CAMSAP1: variants seen among roughly 807,000 people sequenced by gnomAD.
CAMSAP1 encodes the protein calmodulin-regulated spectrin-associated protein 1.
Under a neutral mutation model 143.5 loss-of-function variants are expected in CAMSAP1, and 58 were observed. The ratio of observed to expected loss-of-function variants is 0.40; its 90% CI spans 0.33 to 0.50. CAMSAP1 has a LOEUF of 0.50. CAMSAP1 is among the 20% of genes least tolerant of loss of function. The probability of loss-of-function intolerance (pLI) is 0.45; values close to 1 mark genes in which losing one functional copy is unlikely to be tolerated. For synonymous variants in CAMSAP1, 945 were observed against 859.3 expected (o/e 1.10, Z -1.74); for missense variants, 1,969 against 2,115.7 (o/e 0.93, Z 1.36).
intron 1 of CAMSAP1, among the ~76,000 whole-genome samples, chr9:135,894,473 G>A (rs931430854): frequency 2.0e-5 from 3 of 152,200 alleles, no homozygotes; most frequent in African/African-American, 7.2e-5. Context: ...GAAGCTCTTG[G>A]TCCTGTGCGC....
At position 135,811,422 on chromosome 9, in the gene CAMSAP1, T is replaced by C; in HGVS notation, c.4696A>G (p.Asn1566Asp). The C allele has an allele frequency of 6.2e-7, 1 of 1,612,968 alleles. No homozygotes were observed. The highest frequency in any genetic ancestry group is 8.5e-7 in the Non-Finnish European group (1 of 1,179,422). The change falls in exon 17 of 17, where the codon AAC (asparagine) becomes GAC (aspartate). Residue 1566 changes from asparagine (N) to aspartate (D), a missense_variant. Around this residue, in one of 4 missense-constraint regions of CAMSAP1, gnomAD observed 143 missense variants for 200.6 expected, o/e 0.71. Transcript: ENST00000389532. This position sits in a 1 kb window ranked among gnomAD's most constrained non-coding sequence, Gnocchi z 4.9. ...YKYSSDRKQFNLIPAKTMSVS... is the reference protein window; with the variant it reads ...YKYSSDRKQFDLIPAKTMSVS... The stretch of plus-strand genomic sequence containing the variant: ...GACATGGTTTTGGCTGGGATCAAGT[T>C]AAACTGTTTTCGGTCTGAGCTGTAT...
intron 7 of CAMSAP1, among the ~76,000 whole-genome samples, chr9:135,831,480 TAA>T (rs57460163): frequency 9.5e-5 from 13 of 136,858 alleles, no homozygotes; most frequent in Admixed American, 1.5e-4. Flanking sequence ...TTTTTTTAAT[TAA>T]AAAAAAAAAA....
intron 3 of CAMSAP1, among the ~76,000 whole-genome samples, chr9:135,878,350 A>C (rs1276765972): frequency 1.3e-5 from 2 of 151,882 alleles, no homozygotes; most frequent in East Asian, 1.9e-4. Context: ...CCATTCCCCC[A>C]CAGATGCTGC....
At chr9:135,863,640 T>C (rs1837275354) in intron 4 of CAMSAP1, among the ~76,000 whole-genome samples, 1 of 152,196 alleles carries the variant, frequency 6.6e-6, no homozygotes, top group Non-Finnish European at 1.5e-5. Flanking sequence ...AATACTGATG[T>C]TTAGCAAAAA....
intron 5 of CAMSAP1, among the ~76,000 whole-genome samples, chr9:135,859,811 C>T (rs923153341): frequency 4.6e-5 from 7 of 152,088 alleles, no homozygotes; most frequent in Admixed American, 4.6e-4. Flanking sequence ...ACCCTGTATC[C>T]TTAGCAATTC....
rs1564423454 is a variant in CAMSAP1, at chr9:135,824,152, C to A, written c.1316-118G>T. On this transcript the variant is annotated intron_variant, in intron 9 of 16. Transcript: ENST00000389532. This position sits in a 1 kb window ranked among gnomAD's most constrained non-coding sequence, Gnocchi z 4.1. ...TCAAGTCAGTACACCAGAAGGGCCG[C>A]ATGGAAAGCAGAGAGGCAAAACCAT... 2 of 831,404 alleles carry A rather than the reference C, an allele frequency of 2.4e-6. No individual in the cohort carries two copies. Among genetic ancestry groups the A allele is most frequent in the East Asian group, 5.3e-5 (2 of 37,560 alleles). The allele number at this position is 831,404 out of a possible 1,614,324, so 51.5% of individuals were successfully genotyped here.
At chr9:135,857,156 C>CGGGT (rs1837008049) in intron 5 of CAMSAP1, among the ~76,000 whole-genome samples, 1 of 152,216 alleles carries the variant, frequency 6.6e-6, no homozygotes, top group African/African-American at 2.4e-5. Flanking sequence ...TCCTGCTGGC[C>CGGGT]ACCCACTGGG....
intron 3 of CAMSAP1, among the ~76,000 whole-genome samples, chr9:135,881,178 A>G (rs1239125587): frequency 6.6e-6 from 1 of 152,004 alleles, no homozygotes; most frequent in Non-Finnish European, 1.5e-5. Context: ...CTCCCTCTCT[A>G]CTAAAAATTA....
rs893366212 is a variant in CAMSAP1 at position 135,866,613 on chromosome 9, AC to A, written c.586-78del. 44 of 734,074 alleles carry A rather than the reference AC, an allele frequency of 6.0e-5. 1 individual carries two copies. The highest frequency in any genetic ancestry group is 5.9e-4 in the South Asian group (39 of 65,782). 45.5% of individuals were successfully genotyped at this position (734,074 alleles called of 1,614,324 possible). ...GTATCTCCACAATTATCCCCCAGAG[AC>A]CCCCACTTCACCTGATTCACCTCTG... On this transcript the variant is annotated intron_variant, in intron 3 of 16. Coordinates refer to ENST00000389532, the MANE Select transcript of CAMSAP1 (RefSeq NM_015447.4).
chr9:135,879,230 A>G (rs1207778542), intron 3 of CAMSAP1, among the ~76,000 whole-genome samples: 1 of 152,214 alleles, frequency 6.6e-6, no homozygotes, highest in Non-Finnish European at 1.5e-5. Context: ...ACAGAGGTAG[A>G]AACGAGAATA....
rs1835448419 is a variant in CAMSAP1 at position 135,821,310 on chromosome 9, G to A, written c.3351C>T (p.Ser1117=). The change falls in exon 11 of 17, where the codon TCC becomes TCT. Residue 1117 remains serine (S), a synonymous_variant. Coordinates refer to ENST00000389532, the MANE Select transcript of CAMSAP1 (RefSeq NM_015447.4). This position sits in a 1 kb window ranked among gnomAD's most constrained non-coding sequence, Gnocchi z 4.6. ...TGGGCGTTGGGGTTTTACTTCGGGAGGAGCCCTGTGGCCTGTCTTTTGGGA... is the reference window on the plus strand; with the variant it reads ...TGGGCGTTGGGGTTTTACTTCGGGAAGAGCCCTGTGGCCTGTCTTTTGGGA... ...LKVPKDRPQG[S]SRSKTPTPSV... 2 of 1,612,744 alleles carry A rather than the reference G, an allele frequency of 1.2e-6. No individual in the cohort carries two copies. The highest frequency in any genetic ancestry group is 1.7e-5 in the Admixed American group (1 of 60,016).
intron 14 of CAMSAP1, chr9:135,817,652 G>A (rs1342214075): frequency 4.3e-6 from 1 of 230,746 alleles, no homozygotes; most frequent in Non-Finnish European, 8.6e-6. Flanking sequence ...TCCTGCCTCA[G>A]CCTCCCAAAG....
At chr9:135,857,472 G>T (rs1837020111) in intron 5 of CAMSAP1, among the ~76,000 whole-genome samples, 1 of 152,168 alleles carries the variant, frequency 6.6e-6, no homozygotes. Flanking sequence ...TCCAACAGCT[G>T]TTCTGAGTCT....
chr9:135,844,507 C>A (rs918424630), intron 7 of CAMSAP1, among the ~76,000 whole-genome samples: 2 of 152,154 alleles, frequency 1.3e-5, no homozygotes, highest in Admixed American at 6.5e-5. Flanking sequence ...CTGGAAAGAT[C>A]TGAAATTGAT....
At chr9:135,888,541 G>T (rs1838196542) in intron 1 of CAMSAP1, among the ~76,000 whole-genome samples, 1 of 152,204 alleles carries the variant, frequency 6.6e-6, no homozygotes, top group African/African-American at 2.4e-5. Flanking sequence ...GTGCAGGACA[G>T]TGAGTCTCTG....
chr9:135,856,550 T>C (rs540056209), intron 5 of CAMSAP1, among the ~76,000 whole-genome samples: 2 of 152,200 alleles, frequency 1.3e-5, no homozygotes, highest in South Asian at 4.2e-4. Flanking sequence ...CGCAGCCCCA[T>C]CCCCTACCCT....
At chr9:135,860,098 G>C (rs1244092734) in intron 5 of CAMSAP1, among the ~76,000 whole-genome samples, 1 of 151,862 alleles carries the variant, frequency 6.6e-6, no homozygotes, top group Non-Finnish European at 1.5e-5. Context: ...GTACGTGCCT[G>C]TAGTCCCAGC....
intron 1 of CAMSAP1, among the ~76,000 whole-genome samples, chr9:135,889,652 A>G (rs1838228521): frequency 6.6e-6 from 1 of 152,224 alleles, no homozygotes. Flanking sequence ...CCATCTCATG[A>G]GCGCAGTGAC....
Position 135,811,057 on chromosome 9 carries a change from G to A in CAMSAP1, c.*252C>T, listed in dbSNP as rs1023552775. On this transcript the variant is annotated 3_prime_UTR_variant, in exon 17 of 17. Coordinates refer to ENST00000389532, the MANE Select transcript of CAMSAP1 (RefSeq NM_015447.4). This position sits in a 1 kb window ranked among gnomAD's most constrained non-coding sequence, Gnocchi z 4.9. ...TGGTCAGCAGTGGCCACAGCAGTGC[G>A]AGCCACTGCAAAAGCGGCATCTACT... The A allele has an allele frequency of 7.5e-5, 40 of 531,670 alleles. No individual in the cohort carries two copies. The highest frequency in any genetic ancestry group is 1.5e-4 in the African/African-American group (8 of 52,478). 32.9% of individuals were successfully genotyped at this position (531,670 alleles called of 1,614,324 possible). A position where few individuals can be genotyped will look rare whatever the true frequency, so the allele number is the denominator to read the frequency against.
Sources: allele counts gnomAD v4.1 joint callset (sites outside exome capture counted in the v4.1 genomes callset), GRCh38; gene constraint gnomAD v4.1.1; regional missense constraint gnomAD v4.1.1; non-coding constraint Gnocchi (gnomAD v3.1); transcripts MANE v1.5; gene names NCBI Gene and HGNC (gene_info 2026-07-23, HGNC 2026-07-21).